The following ITPR1 variants were observed in gnomAD, a reference collection of about 807,000 sequenced individuals.
ITPR1 encodes inositol 1,4,5-trisphosphate receptor type 1, also known as inositol 1,4,5-trisphosphate-gated calcium channel ITPR1.
A neutral mutation model predicts 318.4 loss-of-function variants in ITPR1; 96 were observed. The ratio of observed to expected loss-of-function variants is 0.30; its 90% CI spans 0.26 to 0.36. The LOEUF is 0.36. Among genes scored for constraint, ITPR1 ranks in the 10% least tolerant of loss-of-function variants. The pLI is 1.00. For synonymous variants in ITPR1, 1,312 were observed against 1,289.9 expected, an observed-to-expected ratio of 1.02 and a Z score of -0.37; for missense variants, 2,440 against 3,460.2, an observed-to-expected ratio of 0.71 and a Z score of 7.40.
intron 4 of ITPR1, among the ~76,000 whole-genome samples, chr3:4,551,181 C>T (rs1387464518): frequency 6.6e-6 from 1 of 152,168 alleles, no homozygotes; most frequent in Non-Finnish European, 1.5e-5. Context: ...GCCTTTTCTG[C>T]AACATGTGTT....
At chr3:4,581,951 T>G (rs1025991978) in intron 4 of ITPR1, among the ~76,000 whole-genome samples, 2 of 151,804 alleles carry the variant, frequency 1.3e-5, no homozygotes, top group Non-Finnish European at 2.9e-5. Context: ...TTTTAGGATT[T>G]TTTTTTTTTA....
chr3:4,772,223 C>T (rs905960054), intron 46 of ITPR1, among the ~76,000 whole-genome samples: 9 of 152,168 alleles, frequency 5.9e-5, no homozygotes, highest in South Asian at 4.1e-4. Flanking sequence ...CCTCTTGGAT[C>T]GGAGGGAAGG....
At chr3:4,680,483 G>C in intron 24 of ITPR1, 70 bp from the exon 25 acceptor site, 1 of 1,398,278 alleles carries the variant, frequency 7.2e-7, no homozygotes, top group African/African-American at 1.4e-5. Context: ...GCCAGTGTGT[G>C]GTGGCTTGGC....
chr3:4,782,922 G>A (rs761744057), intron 50 of ITPR1, among the ~76,000 whole-genome samples, 181 bp downstream of exon 50: 1 of 152,154 alleles, frequency 6.6e-6, no homozygotes, highest in Non-Finnish European at 1.5e-5. Flanking sequence ...GTTCCAGGAC[G>A]TTTCCATTTT....
At chr3:4,656,682 G>A (rs570483195) in intron 12 of ITPR1, among the ~76,000 whole-genome samples, 1 of 152,302 alleles carries the variant, frequency 6.6e-6, no homozygotes, top group African/African-American at 2.4e-5. Context: ...ATTCTCCCAG[G>A]CTCTCTCCTT....
At chr3:4,768,326 A>G (rs2045950725) in intron 45 of ITPR1, 185 bp from the exon 46 acceptor site, 1 of 591,056 alleles carries the variant, frequency 1.7e-6, no homozygotes, top group Admixed American at 3.2e-5. Flanking sequence ...GTAAGGTGGC[A>G]GGGCCTGGCT....
chr3:4,587,578 C>G (rs1330127998), intron 4 of ITPR1, among the ~76,000 whole-genome samples: 1 of 152,154 alleles, frequency 6.6e-6, no homozygotes, highest in Non-Finnish European at 1.5e-5. Context: ...GCCCACACTT[C>G]TCATTTTGAG....
chr3:4,679,454 G>C (rs2094253369), intron 24 of ITPR1, among the ~76,000 whole-genome samples: 1 of 152,194 alleles, frequency 6.6e-6, no homozygotes, highest in Non-Finnish European at 1.5e-5. Context: ...CTCAGTCTGA[G>C]GCCAAAAGCC....
chr3:4,658,078 G>C (rs2171527), intron 12 of ITPR1, 46 bp from the exon 13 acceptor site: 7 of 1,537,502 alleles, frequency 4.6e-6, no homozygotes, highest in Non-Finnish European at 6.2e-6. Flanking sequence ...AGAAAGTGAA[G>C]GCTTTGGCAT....
At chr3:4,506,615 G>A (rs977989462) in intron 2 of ITPR1, among the ~76,000 whole-genome samples, 5 of 152,184 alleles carry the variant, frequency 3.3e-5, no homozygotes, top group Admixed American at 2.0e-4. Context: ...CAGGGACCTT[G>A]TATGTCTTGC....
intron 4 of ITPR1, among the ~76,000 whole-genome samples, chr3:4,603,028 A>G (rs1446495273): frequency 5.9e-5 from 9 of 152,192 alleles, no homozygotes; most frequent in Admixed American, 5.2e-4. Flanking sequence ...CATGTAAAAA[A>G]TGTTCAAGCT....
chr3:4,609,054 A>ATATG (rs2091908910), intron 4 of ITPR1, among the ~76,000 whole-genome samples: 1 of 41,124 alleles, frequency 2.4e-5, no homozygotes, highest in Non-Finnish European at 3.8e-5. Context: ...ACAACGAAAT[A>ATATG]TATATATATA....
At chr3:4,550,172 T>G (rs556059897) in intron 4 of ITPR1, among the ~76,000 whole-genome samples, 1 of 148,790 alleles carries the variant, frequency 6.7e-6, no homozygotes, top group Non-Finnish European at 1.5e-5. Flanking sequence ...TGGGGTTAAT[T>G]TCTGGCTATT....
intron 11 of ITPR1, among the ~76,000 whole-genome samples, chr3:4,652,971 G>A (rs1323333664): frequency 6.6e-6 from 1 of 152,288 alleles, no homozygotes; most frequent in African/African-American, 2.4e-5. Context: ...TTGGGTGACA[G>A]AATGAGACTC....
chr3:4,576,641 G>C (rs1334607373), intron 4 of ITPR1, among the ~76,000 whole-genome samples: 2 of 152,204 alleles, frequency 1.3e-5, no homozygotes, highest in Admixed American at 6.5e-5. Context: ...TGGCAAAACG[G>C]GTCATGGCAA....
At chr3:4,628,216 T>C (rs2092903424) in intron 5 of ITPR1, among the ~76,000 whole-genome samples, 1 of 152,224 alleles carries the variant, frequency 6.6e-6, no homozygotes, top group East Asian at 1.9e-4. Context: ...GCACGTTATG[T>C]GCTGTTTTCC....
intron 15 of ITPR1, 25 bp from the exon 16 acceptor site, chr3:4,663,040 C>G (rs1389895682): frequency 6.2e-7 from 1 of 1,611,236 alleles, no homozygotes; most frequent in South Asian, 1.1e-5. Context: ...ACACATCTGT[C>G]TCTAATAGCG....
At chr3:4,593,271 G>A (rs956218496) in intron 4 of ITPR1, among the ~76,000 whole-genome samples, 19 of 152,168 alleles carry the variant, frequency 1.2e-4, no homozygotes, top group Admixed American at 2.6e-4. Context: ...CTGAAGTTTC[G>A]TGAACTTAGA....
intron 4 of ITPR1, among the ~76,000 whole-genome samples, chr3:4,601,175 C>CTTTTT (rs68165287): frequency 0.39 from 46,995 of 119,250 alleles, 10,567 homozygotes; most frequent in East Asian, 0.58. Context: ...GAAAAATATT[C>CTTTTT]TTTTTTTTTT....
Sources: allele counts gnomAD v4.1 joint callset (sites outside exome capture counted in the v4.1 genomes callset), GRCh38; gene constraint gnomAD v4.1.1; transcripts MANE v1.5; gene names NCBI Gene and HGNC (gene_info 2026-07-23, HGNC 2026-07-21).